Variants in FGF13 observed in about 807,000 individuals in gnomAD.
FGF13 encodes the protein fibroblast growth factor homologous factor 2.
FGF13 carries 2 observed loss-of-function variants against 19.5 expected under a neutral mutation model. The ratio of observed to expected loss-of-function variants is 0.10; its 90% CI spans 0.04 to 0.32. The LOEUF (loss-of-function observed/expected upper bound fraction) is 0.32, where lower values mean the gene tolerates loss of function less well. FGF13 is among the 10% of genes least tolerant of loss of function. The pLI, the probability that FGF13 is intolerant of heterozygous loss-of-function variation, is 1.00. For missense variants in FGF13, 113 were observed against 192.7 expected (o/e 0.59, Z 2.45); for synonymous variants, 72 against 76.9 (o/e 0.94, Z 0.33).
intron 3 of FGF13, among the ~76,000 whole-genome samples, chrX:138,819,378 G>C (rs898249470): frequency 1.1e-4 from 12 of 111,277 alleles, no homozygotes; most frequent in Admixed American, 6.7e-4. Flanking sequence ...TAAACTATAA[G>C]GCTGGAGGTT....
intron 1 of FGF13, among the ~76,000 whole-genome samples, chrX:139,036,923 C>T (rs367720508): frequency 2.7e-5 from 3 of 110,897 alleles, no homozygotes; most frequent in Non-Finnish European, 5.7e-5. Context: ...TCCCACAGCA[C>T]GTGGGAATTG....
intron 3 of FGF13, among the ~76,000 whole-genome samples, chrX:138,800,174 A>T (rs1041090810): frequency 9.0e-6 from 1 of 111,239 alleles, no homozygotes; most frequent in Non-Finnish European, 1.9e-5. Flanking sequence ...ATTGTCATTG[A>T]TCTTTATATT....
At chrX:138,989,175 C>A (rs893881327) in intron 1 of FGF13, among the ~76,000 whole-genome samples, 3 of 111,377 alleles carry the variant, frequency 2.7e-5, no homozygotes, top group Admixed American at 1.9e-4. Flanking sequence ...ATTTAACTAC[C>A]AGAAAGGACT....
intron 1 of FGF13, among the ~76,000 whole-genome samples, chrX:138,889,306 C>CT (rs2091465556): frequency 8.9e-6 from 1 of 112,143 alleles, no homozygotes; most frequent in Non-Finnish European, 1.9e-5. Context: ...CATAACAACT[C>CT]TATGCCAAGC....
chrX:138,804,553 T>C (rs2090852107), intron 3 of FGF13, among the ~76,000 whole-genome samples: 1 of 112,263 alleles, frequency 8.9e-6, no homozygotes, highest in East Asian at 2.8e-4. Flanking sequence ...CTGTGGGATG[T>C]GTACACATTC....
chrX:139,014,792 G>C (rs775158614), intron 1 of FGF13, among the ~76,000 whole-genome samples: 16 of 111,414 alleles, frequency 1.4e-4, no homozygotes, highest in African/African-American at 5.2e-4. Flanking sequence ...CACTATTGCT[G>C]ATGAATATTG....
At chrX:138,989,876 T>C (rs1569437186) in intron 1 of FGF13, among the ~76,000 whole-genome samples, 1 of 111,665 alleles carries the variant, frequency 9.0e-6, no homozygotes, top group African/African-American at 3.3e-5. Context: ...GTTCACACTA[T>C]TGTGTCACAT....
chrX:138,686,042 TG>T (rs1337395514), intron 3 of FGF13, among the ~76,000 whole-genome samples: 1 of 111,182 alleles, frequency 9.0e-6, no homozygotes, highest in Admixed American at 9.7e-5. Flanking sequence ...TTCTTTACTA[TG>T]GCTGTACTTA....
chrX:138,810,070 C>T (rs1395374068), intron 3 of FGF13, among the ~76,000 whole-genome samples: 1 of 111,829 alleles, frequency 8.9e-6, no homozygotes, highest in East Asian at 2.8e-4. Flanking sequence ...CAATGACTTT[C>T]TTCACAGAAT....
At chrX:139,203,207 G>A (rs2084430262) in intron 1 of FGF13, among the ~76,000 whole-genome samples, 1 of 111,784 alleles carries the variant, frequency 8.9e-6, no homozygotes, top group African/African-American at 3.3e-5. Flanking sequence ...GGGCAGAGGC[G>A]CGCACTCCAG....
chrX:138,826,481 CAT>C (rs1246806757), intron 3 of FGF13, among the ~76,000 whole-genome samples: 1 of 111,871 alleles, frequency 8.9e-6, no homozygotes, highest in Non-Finnish European at 1.9e-5. Context: ...CACAGAAACA[CAT>C]GTTTAAAGTA....
At chrX:138,751,165 T>C (rs1211324198) in intron 3 of FGF13, among the ~76,000 whole-genome samples, 2 of 111,106 alleles carry the variant, frequency 1.8e-5, no homozygotes, top group African/African-American at 6.6e-5. Context: ...GTGGAGACAG[T>C]GGGGTGAGGA....
chrX:138,934,381 C>T (rs1397936620), intron 1 of FGF13, among the ~76,000 whole-genome samples: 1 of 111,953 alleles, frequency 8.9e-6, no homozygotes, highest in Non-Finnish European at 1.9e-5. Context: ...ACATTCTTCC[C>T]CATATGATCA....
At chrX:138,984,921 T>C (rs1231680945) in intron 1 of FGF13, 2 of 287,873 alleles carry the variant, frequency 6.9e-6, no homozygotes, top group African/African-American at 5.6e-5. Context: ...ACTGGGGATG[T>C]TCCCCAGTCA....
At chrX:138,902,528 T>C (rs1206969298) in intron 1 of FGF13, among the ~76,000 whole-genome samples, 1 of 111,782 alleles carries the variant, frequency 8.9e-6, no homozygotes, top group Non-Finnish European at 1.9e-5. Context: ...TTTAACATTC[T>C]CTCCATCAAC....
rs1013466346 is a variant in FGF13, at chrX:138,614,933, A to C, written c.*17917T>G. 8.9e-6 allele frequency: 1 copy of C among 112,325 alleles called. No individual in the cohort carries two copies. Among genetic ancestry groups the C allele is most frequent in the Non-Finnish European group, 1.9e-5 (1 of 53,289 alleles). The allele number at this position is 112,325 out of a possible 1,213,427, so 9.3% of individuals were successfully genotyped here. On this transcript the variant is annotated 3_prime_UTR_variant, in exon 5 of 5. Coordinates refer to ENST00000315930, the MANE Select transcript of FGF13 (RefSeq NM_004114.5). ...TGCTGAGTGACAAAAGCCAATCTCT[A>C]TGTGTTATATACTGTATGATGACAT...
chrX:138,891,019 C>T (rs907366606), intron 1 of FGF13, among the ~76,000 whole-genome samples: 17 of 112,106 alleles, frequency 1.5e-4, no homozygotes, highest in African/African-American at 5.5e-4. Context: ...TGGCCGGGAG[C>T]GGTGGCTCAC....
At chrX:138,871,048 G>A (rs2091354959) in intron 1 of FGF13, among the ~76,000 whole-genome samples, 1 of 112,069 alleles carries the variant, frequency 8.9e-6, no homozygotes, top group South Asian at 3.7e-4. Context: ...TGTGTTGTTT[G>A]AGCCCCTAAG....
chrX:138,682,414 C>G (rs769327098), intron 3 of FGF13, among the ~76,000 whole-genome samples: 31 of 112,821 alleles, frequency 2.7e-4, no homozygotes, highest in Non-Finnish European at 5.6e-4. Context: ...AAAGCTACAT[C>G]ATTGAATAAG....
Sources: gnomAD v4.1 joint callset for allele counts (sites outside exome capture counted in the v4.1 genomes callset) on GRCh38, gnomAD v4.1.1 for gene constraint, MANE v1.5 for transcripts, NCBI Gene and HGNC (gene_info 2026-07-23, HGNC 2026-07-21) for gene names.